RALGPS1: variants seen among roughly 807,000 people sequenced by gnomAD.
RALGPS1 encodes the protein Ral GEF with PH domain and SH3 binding motif 1.
A neutral mutation model predicts 78.8 loss-of-function variants in RALGPS1; 19 were observed. The ratio of observed to expected loss-of-function variants is 0.24; its 90% CI spans 0.17 to 0.35. The LOEUF is 0.35. RALGPS1 is among the 10% of genes least tolerant of loss of function. The pLI, the probability that RALGPS1 is intolerant of heterozygous loss-of-function variation, is 1.00. For synonymous variants in RALGPS1, 228 were observed against 256.3 expected (o/e 0.89, Z 1.06); for missense variants, 454 against 688.3 (o/e 0.66, Z 3.81).
chr9:127,072,109 C>T (rs995161580), intron 8 of RALGPS1, among the ~76,000 whole-genome samples: 1 of 152,238 alleles, frequency 6.6e-6, no homozygotes, highest in Non-Finnish European at 1.5e-5. Context: ...GCTTCTTTCT[C>T]ATAGCATCAT....
intron 4 of RALGPS1, among the ~76,000 whole-genome samples, chr9:127,002,637 C>G (rs1415609589): frequency 5.0e-5 from 7 of 140,160 alleles, no homozygotes; most frequent in Non-Finnish European, 9.1e-5. Flanking sequence ...TGATATTCCC[C>G]TTCCTGTGTC....
At chr9:126,930,897 A>T (rs2035729794) in intron 1 of RALGPS1, among the ~76,000 whole-genome samples, 1 of 152,220 alleles carries the variant, frequency 6.6e-6, no homozygotes, top group African/African-American at 2.4e-5. Context: ...TATCTGTGTT[A>T]TATTTTCTCA....
rs541864414 is a variant in RALGPS1, at chr9:126,960,153, T to C, written c.-65-2072T>C. 2.2e-4 allele frequency among the ~76,000 whole-genome samples: 32 copies of C among 147,176 alleles called. No homozygotes were observed. In the East Asian group the frequency reaches 6.4e-3, roughly 29 times the overall value. On this transcript the variant is annotated intron_variant, in intron 1 of 18. Transcript: ENST00000259351. ...GTTGCTTGCCCCTGTTTCTTCCCTTTCTTCCCTTCCTTCCCTCCCTCCCTC... is the reference window on the plus strand; with the variant it reads ...GTTGCTTGCCCCTGTTTCTTCCCTTCCTTCCCTTCCTTCCCTCCCTCCCTC...
At chr9:127,017,295 G>A (rs928160496) in intron 4 of RALGPS1, among the ~76,000 whole-genome samples, 1 of 152,202 alleles carries the variant, frequency 6.6e-6, no homozygotes, top group African/African-American at 2.4e-5. Flanking sequence ...AACCTGTACA[G>A]CGTGAGTACA....
At chr9:126,916,516 C>G (rs937958491) in intron 1 of RALGPS1, among the ~76,000 whole-genome samples, 61 of 152,198 alleles carry the variant, frequency 4.0e-4, no homozygotes, top group African/African-American at 1.4e-3. Context: ...CGCGGTGGCT[C>G]ACGCTTGTAA....
intron 1 of RALGPS1, among the ~76,000 whole-genome samples, chr9:126,921,461 A>G (rs2034746421): frequency 6.6e-6 from 1 of 152,230 alleles, no homozygotes; most frequent in African/African-American, 2.4e-5. Context: ...GAGAGGCATG[A>G]GTTGTACTTG....
intron 4 of RALGPS1, among the ~76,000 whole-genome samples, chr9:126,989,317 A>C (rs1320372362): frequency 6.6e-6 from 1 of 152,130 alleles, no homozygotes; most frequent in Non-Finnish European, 1.5e-5. Context: ...AGAAGTGAGA[A>C]GTTTAGTGAA....
chr9:127,056,246 G>A (rs1465405174), intron 7 of RALGPS1, among the ~76,000 whole-genome samples: 1 of 152,108 alleles, frequency 6.6e-6, no homozygotes. Flanking sequence ...TCCCTATTGT[G>A]TCCTAAGGGC....
intron 1 of RALGPS1, among the ~76,000 whole-genome samples, chr9:126,955,637 A>G: frequency 6.6e-6 from 1 of 152,306 alleles, no homozygotes; most frequent in Non-Finnish European, 1.5e-5. Context: ...AATATATTTT[A>G]ATATAATTTT....
At chr9:127,093,024 C>T (rs949259610) in intron 8 of RALGPS1, among the ~76,000 whole-genome samples, 2 of 152,096 alleles carry the variant, frequency 1.3e-5, no homozygotes, top group Non-Finnish European at 2.9e-5. Context: ...AAGCTGGGTC[C>T]ATAACAGAAC....
At chr9:127,194,538 G>C (rs1009984621) in intron 11 of RALGPS1, among the ~76,000 whole-genome samples, 3 of 152,114 alleles carry the variant, frequency 2.0e-5, no homozygotes, top group African/African-American at 7.2e-5. Context: ...TCAGCCTCCC[G>C]AGTAGCTGGG....
At chr9:127,216,847 AGCTCTGAGGGCC>A (rs2062613059) in intron 18 of RALGPS1, 1 of 1,408,904 alleles carries the variant, frequency 7.1e-7, no homozygotes, top group Non-Finnish European at 9.4e-7. Flanking sequence ...GTCCCTCAGT[AGCTCTGAGGGCC>A]GCTCTCTTAA....
chr9:126,967,424 G>A lies in RALGPS1; in HGVS notation c.165+1473G>A, dbSNP rs77841673. Among the ~76,000 whole-genome samples the A allele has an allele frequency of 2.0e-3, 311 of 152,212 alleles. 2 individuals carry two copies. Among genetic ancestry groups the A allele is most frequent in the African/African-American group, 6.9e-3 (288 of 41,526 alleles). ...TTGTCTGCTCACTCTGTGTTCAAAT[G>A]TCTGTCCTTAGGACTTTCACTGGGC... On this transcript the variant is annotated intron_variant, in intron 3 of 18. Coordinates refer to ENST00000259351, the MANE Select transcript of RALGPS1 (RefSeq NM_014636.3).
chr9:126,982,472 G>C (rs768174040), intron 4 of RALGPS1, among the ~76,000 whole-genome samples: 8 of 152,210 alleles, frequency 5.3e-5, no homozygotes, highest in Non-Finnish European at 8.8e-5. Flanking sequence ...AATGCATATA[G>C]AGTACTTAGC....
rs1012750934 is a variant in RALGPS1, at chr9:127,050,152, T to G, written c.390+20T>G. 1 of 1,560,998 alleles carries G rather than the reference T, an allele frequency of 6.4e-7. No homozygotes were observed. The highest frequency in any genetic ancestry group is 8.8e-7 in the Non-Finnish European group (1 of 1,131,962). ...GCCAAGGTAAGCTTTTTATTATTAT[T>G]TTTCCTTCCTTTCCCTCTTCTCTCC... is the stretch of plus-strand genomic sequence containing the variant. On this transcript the variant is annotated intron_variant, in intron 6 of 18. Transcript: ENST00000259351.
intron 4 of RALGPS1, among the ~76,000 whole-genome samples, chr9:126,984,009 C>T (rs1362391102): frequency 6.6e-6 from 1 of 152,050 alleles, no homozygotes; most frequent in Non-Finnish European, 1.5e-5. Context: ...TGTAAAGTTC[C>T]CCATCTACCT....
rs372021849 is a variant in RALGPS1, at chr9:127,198,663, C to A, written c.1196-352C>A. Among the ~76,000 whole-genome samples, 10 of 152,232 alleles carry A rather than the reference C, an allele frequency of 6.6e-5. No homozygotes were observed. In the East Asian group the frequency reaches 1.2e-3, roughly 18 times the overall value. On this transcript the variant is annotated intron_variant, in intron 13 of 18. Transcript: ENST00000259351. ...GCTCATTTGGCCTCACCAGGTGAGG[C>A]CTGTTCTAGTCCTGGCTTCACTTGG...
chr9:127,183,978 C>T lies in RALGPS1; in HGVS notation c.910+9196C>T, dbSNP rs533834612. 1.9e-5 allele frequency: 29 copies of T among 1,550,232 alleles called. No homozygotes were observed. In the East Asian group the frequency reaches 4.6e-4, roughly 25 times the overall value. On this transcript the variant is annotated intron_variant, in intron 11 of 18. Transcript: ENST00000259351. This position sits in a 1 kb window ranked among gnomAD's most constrained non-coding sequence, Gnocchi z 4.0. ...TGGCCCAGCTCCTCACGAGTACCAGCGGCTCCCCCAGCATCTGCTGCTCCG... is the reference window on the plus strand; with the variant it reads ...TGGCCCAGCTCCTCACGAGTACCAGTGGCTCCCCCAGCATCTGCTGCTCCG...
At chr9:127,039,803 C>T (rs1294664091) in intron 5 of RALGPS1, among the ~76,000 whole-genome samples, 2 of 151,240 alleles carry the variant, frequency 1.3e-5, no homozygotes, top group Non-Finnish European at 2.9e-5. Flanking sequence ...AGGAGTGGGG[C>T]GAGAAGATTG....
Sources: allele counts gnomAD v4.1 joint callset (sites outside exome capture counted in the v4.1 genomes callset), GRCh38; gene constraint gnomAD v4.1.1; non-coding constraint Gnocchi (gnomAD v3.1); transcripts MANE v1.5; gene names NCBI Gene and HGNC (gene_info 2026-07-23, HGNC 2026-07-21).